Variants in ZNF451 observed in about 807,000 individuals in gnomAD.
The protein encoded by ZNF451 is E3 SUMO-protein ligase ZNF451.
In ZNF451, 80 loss-of-function variants were observed where a neutral mutation model predicts 107.1. The ratio of observed to expected loss-of-function variants is 0.75; its 90% confidence interval spans 0.62 to 0.90. ZNF451 has a LOEUF of 0.90. Ranked by LOEUF, ZNF451 falls within the 40% of genes least tolerant of loss-of-function variation. The probability of loss-of-function intolerance (pLI) is 0.00; values close to 1 mark genes in which losing one functional copy is unlikely to be tolerated. For missense variants in ZNF451, 1,107 were observed against 1,236.2 expected (o/e 0.90, Z 1.57); for synonymous variants, 362 against 406.5 (o/e 0.89, Z 1.32).
At chr6:57,109,673 C>G in intron 3 of ZNF451, 1 of 983,138 alleles carries the variant, frequency 1.0e-6, no homozygotes, top group South Asian at 4.7e-5. Context: ...GTCTTACAAG[C>G]CTAACAGTGT....
intron 7 of ZNF451, among the ~76,000 whole-genome samples, chr6:57,135,642 C>T (rs968411935): frequency 1.3e-5 from 2 of 152,030 alleles, no homozygotes; most frequent in Non-Finnish European, 2.9e-5. Flanking sequence ...CTTAAATATT[C>T]ATCGAATCAA....
At chr6:57,103,160 A>T (rs1829687677) in intron 3 of ZNF451, 1 of 985,344 alleles carries the variant, frequency 1.0e-6, no homozygotes, top group Admixed American at 6.1e-5. Flanking sequence ...AAGAATTCCA[A>T]ACATGCCTGA....
intron 2 of ZNF451, among the ~76,000 whole-genome samples, chr6:57,096,767 C>CTTTTT (rs772840052): frequency 8.8e-5 from 7 of 79,952 alleles, no homozygotes; most frequent in East Asian, 3.3e-4. Context: ...AATTTTCAGT[C>CTTTTT]TTTTTTTTTT....
At chr6:57,131,082 G>A (rs1831156972) in intron 5 of ZNF451, among the ~76,000 whole-genome samples, 1 of 152,068 alleles carries the variant, frequency 6.6e-6, no homozygotes, top group Non-Finnish European at 1.5e-5. Flanking sequence ...TAGAGAGTGA[G>A]ATTCTACTTC....
chr6:57,111,908 T>A (rs919099501), intron 3 of ZNF451, among the ~76,000 whole-genome samples: 2 of 152,244 alleles, frequency 1.3e-5, no homozygotes, highest in Non-Finnish European at 2.9e-5. Flanking sequence ...GTTTTAAGAT[T>A]TGTTCATACA....
At chr6:57,101,867 T>C in intron 3 of ZNF451, 1 of 1,550,552 alleles carries the variant, frequency 6.4e-7, no homozygotes, top group Non-Finnish European at 8.7e-7. Flanking sequence ...GGTACTTCCC[T>C]TTTTGGACAA....
chr6:57,126,950 T>C, intron 4 of ZNF451, among the ~76,000 whole-genome samples: 1 of 152,200 alleles, frequency 6.6e-6, no homozygotes, highest in East Asian at 1.9e-4. Flanking sequence ...AGTATGCTAG[T>C]AGTTGGTATG....
intron 9 of ZNF451, among the ~76,000 whole-genome samples, chr6:57,143,401 T>G (rs1831879883): frequency 6.6e-6 from 1 of 152,194 alleles, no homozygotes; most frequent in Non-Finnish European, 1.5e-5. Flanking sequence ...ATTGTCTGGT[T>G]TCCCTGGCAA....
intron 3 of ZNF451, chr6:57,104,614 A>G: frequency 1.0e-6 from 1 of 983,216 alleles, no homozygotes; most frequent in South Asian, 4.7e-5. Flanking sequence ...AAAAAAAAAG[A>G]AAAAAAAAGG....
chr6:57,090,527 G>C (rs1329176905), intron 1 of ZNF451, among the ~76,000 whole-genome samples: 1 of 110,370 alleles, frequency 9.1e-6, no homozygotes, highest in Non-Finnish European at 1.9e-5. Context: ...GACGTTTTAA[G>C]GCAGGATTGC....
intron 7 of ZNF451, among the ~76,000 whole-genome samples, chr6:57,136,888 T>C (rs1001761342): frequency 2.0e-5 from 3 of 152,186 alleles, no homozygotes; most frequent in Non-Finnish European, 2.9e-5. Context: ...AGGAAGTAGA[T>C]TTATGACCTT....
chr6:57,152,424 T>C, intron 12 of ZNF451, 73 bp downstream of exon 12: 1 of 1,538,798 alleles, frequency 6.5e-7, no homozygotes, highest in Non-Finnish European at 8.9e-7. Context: ...ACTTGAATTG[T>C]AATGAGACTT....
chr6:57,120,128 C>A (rs181860170), intron 3 of ZNF451, among the ~76,000 whole-genome samples: 24 of 152,236 alleles, frequency 1.6e-4, no homozygotes, highest in Admixed American at 8.5e-4. Context: ...ACTACAGTTA[C>A]CGTAGTTTTG....
chr6:57,109,987 A>G (rs1830038936), intron 3 of ZNF451, among the ~76,000 whole-genome samples: 1 of 152,258 alleles, frequency 6.6e-6, no homozygotes, highest in African/African-American at 2.4e-5. Context: ...CCACTAAAGT[A>G]TAAGAGCAGA....
intron 3 of ZNF451, chr6:57,102,463 C>T (rs1829653555): frequency 1.0e-6 from 1 of 998,648 alleles, no homozygotes; most frequent in South Asian, 4.5e-5. Context: ...TGAGGACTAG[C>T]AGATTTTGAA....
At chr6:57,167,204 C>T (rs921447363) in intron 14 of ZNF451, among the ~76,000 whole-genome samples, 1 of 151,840 alleles carries the variant, frequency 6.6e-6, no homozygotes. Context: ...CACACACACA[C>T]ATATATACAT....
intron 12 of ZNF451, among the ~76,000 whole-genome samples, chr6:57,153,448 G>A (rs1431777678): frequency 6.8e-6 from 1 of 146,182 alleles, no homozygotes; most frequent in African/African-American, 2.5e-5. Flanking sequence ...TCACTCTGTC[G>A]CCCAGGCTGG....
intron 3 of ZNF451, chr6:57,108,809 A>G (rs1829987627): frequency 1.0e-6 from 1 of 985,314 alleles, no homozygotes; most frequent in Non-Finnish European, 1.2e-6. Context: ...TGCTGATTGC[A>G]AGGCACTCTT....
intron 3 of ZNF451, chr6:57,105,864 T>C (rs1042344833): frequency 1.4e-5 from 14 of 984,458 alleles, no homozygotes; most frequent in Middle Eastern, 5.2e-4. Flanking sequence ...AATGACAGCT[T>C]CCTTATCAGT....
Sources: gnomAD v4.1 joint callset for allele counts (sites outside exome capture counted in the v4.1 genomes callset) on GRCh38, gnomAD v4.1.1 for gene constraint, MANE v1.5 for transcripts, NCBI Gene and HGNC (gene_info 2026-07-23, HGNC 2026-07-21) for gene names.